Variants in SYT2 observed in about 807,000 individuals in gnomAD.
The protein encoded by SYT2 is synaptotagmin 2, also known as synaptotagmin-2.
A neutral mutation model predicts 39.9 loss-of-function variants in SYT2; 15 were observed. The ratio of observed to expected loss-of-function variants is 0.38; its 90% CI spans 0.25 to 0.58. The LOEUF (loss-of-function observed/expected upper bound fraction) is 0.58. Among genes scored for constraint, SYT2 ranks in the 20% least tolerant of loss-of-function variants. The probability of loss-of-function intolerance (pLI) is 0.70; values close to 1 mark genes in which losing one functional copy is unlikely to be tolerated. For missense variants in SYT2, 389 were observed against 530.3 expected, an observed-to-expected ratio of 0.73 and a Z score of 2.62; for synonymous variants, 181 against 204.5, an observed-to-expected ratio of 0.89 and a Z score of 0.98.
In SYT2 at chr1:202,639,804, G is replaced by A. The variant is rs1479070502; in HGVS notation, c.-17-34015C>T. The A allele has an allele frequency of 3.0e-6, 3 of 985,360 alleles. No homozygotes were observed. The African/African-American group carries it at 5.2e-5, about 17-fold the overall frequency. The allele number at this position is 985,360 out of a possible 1,614,324, so 61.0% of individuals were successfully genotyped here. On this transcript the variant is annotated intron_variant, in intron 1 of 8. Transcript: ENST00000367268. ...TCCTGGAGCCTGAGGCCAGTGCGCA[G>A]CAAGAGGAGGACACAGGACGTTGGG...
intron 1 of SYT2, among the ~76,000 whole-genome samples, chr1:202,682,343 T>TA (rs1653547016): frequency 6.6e-6 from 1 of 152,068 alleles, no homozygotes; most frequent in African/African-American, 2.4e-5. Flanking sequence ...AACACAGAGG[T>TA]ACCATCTACG....
chr1:202,645,515 T>C (rs1279493843), intron 1 of SYT2, among the ~76,000 whole-genome samples: 5 of 152,102 alleles, frequency 3.3e-5, no homozygotes, highest in Admixed American at 6.6e-5. Flanking sequence ...GCCTTCACGA[T>C]TGGAATGTAG....
At chr1:202,682,720 G>A (rs1653558202) in intron 1 of SYT2, among the ~76,000 whole-genome samples, 1 of 152,052 alleles carries the variant, frequency 6.6e-6, no homozygotes, top group East Asian at 1.9e-4. Flanking sequence ...AGCTAGCGTG[G>A]AGCTGATCAT....
intron 8 of SYT2, among the ~76,000 whole-genome samples, chr1:202,598,889 G>A (rs569208652): frequency 2.6e-5 from 4 of 152,158 alleles, no homozygotes; most frequent in South Asian, 2.1e-4. Context: ...AGGTGGCAGC[G>A]GCCACTCCCA....
At chr1:202,642,716 AC>A (rs1279349042) in intron 1 of SYT2, among the ~76,000 whole-genome samples, 1 of 152,020 alleles carries the variant, frequency 6.6e-6, no homozygotes, top group Non-Finnish European at 1.5e-5. Flanking sequence ...CCTCCGGCAC[AC>A]CCCCCTCTGC....
At chr1:202,703,616 T>A (rs1654177137) in intron 1 of SYT2, among the ~76,000 whole-genome samples, 1 of 152,114 alleles carries the variant, frequency 6.6e-6, no homozygotes, top group Non-Finnish European at 1.5e-5. Context: ...TGATCCTACC[T>A]GAGCTAAAGA....
chr1:202,666,869 G>T (rs563860890), intron 1 of SYT2, among the ~76,000 whole-genome samples: 1 of 152,192 alleles, frequency 6.6e-6, no homozygotes, highest in East Asian at 1.9e-4. Context: ...GTGATCCCAG[G>T]TACTCAGGAG....
At chr1:202,632,500 C>G (rs1691621946) in intron 1 of SYT2, 1 of 957,548 alleles carries the variant, frequency 1.0e-6, no homozygotes, top group African/African-American at 1.8e-5. Flanking sequence ...GCGTAGCCAT[C>G]GCCGGATCTC....
chr1:202,606,688 C>T (rs1690719451), intron 1 of SYT2, among the ~76,000 whole-genome samples: 1 of 152,256 alleles, frequency 6.6e-6, no homozygotes. Context: ...GCCCTGCCCC[C>T]ACATGCAGCT....
intron 1 of SYT2, among the ~76,000 whole-genome samples, chr1:202,683,553 A>G (rs557143928): frequency 6.6e-6 from 1 of 152,154 alleles, no homozygotes; most frequent in African/African-American, 2.4e-5. Flanking sequence ...AGCCTGGGCA[A>G]TATAGCAAGA....
At chr1:202,626,397 G>GT (rs1558437010) in intron 1 of SYT2, among the ~76,000 whole-genome samples, 1 of 102,418 alleles carries the variant, frequency 9.8e-6, no homozygotes, top group African/African-American at 3.8e-5. Context: ...CAGCCTCTCA[G>GT]CTTTTTTTTT....
At chr1:202,706,307 T>C (rs773422502) in intron 1 of SYT2, among the ~76,000 whole-genome samples, 1 of 151,244 alleles carries the variant, frequency 6.6e-6, no homozygotes. Flanking sequence ...ACTCCTTCCC[T>C]TGAGTTTTAA....
chr1:202,672,022 TAACAGAAA>T (rs1180598264), intron 1 of SYT2, among the ~76,000 whole-genome samples: 2 of 151,996 alleles, frequency 1.3e-5, no homozygotes, highest in East Asian at 1.9e-4. Flanking sequence ...GAACAACAGA[TAACAGAAA>T]GAGATCCACA....
intron 1 of SYT2, among the ~76,000 whole-genome samples, chr1:202,606,525 A>G (rs2149072994): frequency 6.6e-6 from 1 of 151,802 alleles, no homozygotes; most frequent in South Asian, 2.1e-4. Context: ...GCCCCGCGAG[A>G]CTCCTCAGCT....
At position 202,698,121 on chromosome 1, in the gene SYT2, A is replaced by G. The variant is rs557914890; in HGVS notation, c.-18+12137T>C. Among the ~76,000 whole-genome samples, 385 of 142,524 alleles carry G rather than the reference A, an allele frequency of 2.7e-3. 2 individuals are homozygous for G. Among genetic ancestry groups the G allele is most frequent in the African/African-American group, 9.2e-3 (372 of 40,430 alleles). The allele number at this position is 142,524 out of a possible 152,430, so 93.5% of individuals were successfully genotyped here. A position where few individuals can be genotyped will look rare whatever the true frequency, so the allele number is the denominator to read the frequency against. ...CGTCCAGGGTCTCACCACCCCCCCA[A>G]GGAAAGTTCACTCTGCTCAAGTGAC... On this transcript the variant is annotated intron_variant, in intron 1 of 8. Coordinates refer to ENST00000367268, the MANE Select transcript of SYT2 (RefSeq NM_177402.5).
chr1:202,663,335 C>A (rs1258585627), intron 1 of SYT2, among the ~76,000 whole-genome samples: 1 of 152,176 alleles, frequency 6.6e-6, no homozygotes, highest in African/African-American at 2.4e-5. Flanking sequence ...GCCATGCCGA[C>A]AGTTCAGCCT....
chr1:202,652,737 T>C (rs1380092528), intron 1 of SYT2, among the ~76,000 whole-genome samples: 2 of 152,172 alleles, frequency 1.3e-5, no homozygotes, highest in Non-Finnish European at 2.9e-5. Context: ...ACTGCTTCGG[T>C]GGAAAGACCC....
chr1:202,601,784 C>T lies in SYT2; in HGVS notation c.801+106G>A. On this transcript the variant is annotated intron_variant, in intron 6 of 8. Coordinates refer to ENST00000367268, the MANE Select transcript of SYT2 (RefSeq NM_177402.5). The surrounding 1 kb of genome is among the most constrained non-coding windows in gnomAD (Gnocchi z 4.0). ...GCAGTGTGGAGCTGGGATCCTAACA[C>T]AGGTCGTCTGCCTCCAAAGCCCACC... 8.1e-7 allele frequency: 1 copy of T among 1,230,280 alleles called. No homozygotes were observed. The highest frequency in any genetic ancestry group is 2.3e-5 in the East Asian group (1 of 42,746). The allele number at this position is 1,230,280 out of a possible 1,614,324, so 76.2% of individuals were successfully genotyped here. A position where few individuals can be genotyped will look rare whatever the true frequency, so the allele number is the denominator to read the frequency against.
intron 1 of SYT2, among the ~76,000 whole-genome samples, chr1:202,685,648 G>A (rs1653644267): frequency 6.6e-6 from 1 of 152,094 alleles, no homozygotes; most frequent in African/African-American, 2.4e-5. Flanking sequence ...GCTACCCTTG[G>A]AAGCCGGTGT....
Sources: allele counts gnomAD v4.1 joint callset (sites outside exome capture counted in the v4.1 genomes callset), GRCh38; gene constraint gnomAD v4.1.1; non-coding constraint Gnocchi (gnomAD v3.1); transcripts MANE v1.5; gene names NCBI Gene and HGNC (gene_info 2026-07-23, HGNC 2026-07-21).